Variants in GRID1 observed in about 807,000 individuals in gnomAD.
GRID1 encodes glutamate receptor ionotropic, delta-1.
In GRID1, 28 loss-of-function variants were observed where a neutral mutation model predicts 98.0. That is an observed-to-expected ratio of 0.29 (90% CI 0.21 to 0.39). The LOEUF is 0.39. Among genes scored for constraint, GRID1 ranks in the 10% least tolerant of loss-of-function variants. The pLI is 1.00. For missense variants in GRID1, 1,111 were observed against 1,340.5 expected (o/e 0.83, Z 2.67); for synonymous variants, 553 against 538.5 (o/e 1.03, Z -0.37).
intron 3 of GRID1, among the ~76,000 whole-genome samples, chr10:86,185,557 G>C (rs1159940293): frequency 6.6e-6 from 1 of 152,106 alleles, no homozygotes; most frequent in Non-Finnish European, 1.5e-5. Context: ...GATCTTAAGG[G>C]ACAAGCATAT....
At chr10:85,844,327 G>T (rs1842986574) in intron 8 of GRID1, among the ~76,000 whole-genome samples, 1 of 151,758 alleles carries the variant, frequency 6.6e-6, no homozygotes, top group African/African-American at 2.4e-5. Context: ...GAGAAAATGG[G>T]GAAGGAATCT....
intron 13 of GRID1, among the ~76,000 whole-genome samples, chr10:85,623,987 A>G (rs1842884125): frequency 6.6e-6 from 1 of 152,156 alleles, no homozygotes; most frequent in Non-Finnish European, 1.5e-5. Context: ...TCCCTTGACC[A>G]AGTGTCACAA....
At chr10:86,350,470 CG>C (rs1848448034) in intron 2 of GRID1, among the ~76,000 whole-genome samples, 1 of 152,110 alleles carries the variant, frequency 6.6e-6, no homozygotes, top group African/African-American at 2.4e-5. Flanking sequence ...AAGCCAGGTG[CG>C]TAGTGGGAGG....
chr10:85,817,082 T>C (rs1842722709), intron 8 of GRID1, among the ~76,000 whole-genome samples: 1 of 152,224 alleles, frequency 6.6e-6, no homozygotes, highest in African/African-American at 2.4e-5. Flanking sequence ...ATGTACCACA[T>C]TTACTTTATC....
chr10:86,018,587 G>C (rs1046554486), intron 4 of GRID1, among the ~76,000 whole-genome samples: 1 of 152,222 alleles, frequency 6.6e-6, no homozygotes, highest in African/African-American at 2.4e-5. Context: ...ACATGCACGT[G>C]ACTGCAGGTG....
chr10:85,659,146 G>C (rs999414784), intron 12 of GRID1, among the ~76,000 whole-genome samples: 1 of 152,246 alleles, frequency 6.6e-6, no homozygotes, highest in Non-Finnish European at 1.5e-5. Flanking sequence ...ATGCAGAGCT[G>C]AGAAGCAGCT....
intron 12 of GRID1, among the ~76,000 whole-genome samples, chr10:85,712,268 C>T (rs1841590353): frequency 6.6e-6 from 1 of 151,688 alleles, no homozygotes; most frequent in African/African-American, 2.4e-5. Context: ...ACAGGTGCCT[C>T]ACTGTGGATT....
intron 4 of GRID1, among the ~76,000 whole-genome samples, chr10:86,134,990 GC>G (rs1305780088): frequency 1.3e-5 from 2 of 152,226 alleles, no homozygotes; most frequent in Non-Finnish European, 2.9e-5. Flanking sequence ...CTTGGCACAG[GC>G]TGGGGCTCAG....
At chr10:85,868,893 C>T in intron 6 of GRID1, 117 bp downstream of exon 6, 1 of 802,192 alleles carries the variant, frequency 1.2e-6, no homozygotes, top group Non-Finnish European at 2.1e-6. Context: ...CAACAAATGA[C>T]AGAGCTCTAG....
intron 2 of GRID1, among the ~76,000 whole-genome samples, chr10:86,209,736 A>G (rs573742702): frequency 1.2e-4 from 18 of 152,224 alleles, no homozygotes; most frequent in South Asian, 2.1e-4. Flanking sequence ...CCAATGCTCA[A>G]TTGTGGAATT....
At chr10:85,771,213 A>T (rs1035971411) in intron 8 of GRID1, among the ~76,000 whole-genome samples, 1 of 152,222 alleles carries the variant, frequency 6.6e-6, no homozygotes, top group African/African-American at 2.4e-5. Context: ...TTTCATATCC[A>T]GCCAAACTAA....
chr10:85,683,284 G>A (rs1024714090), intron 12 of GRID1, among the ~76,000 whole-genome samples: 6 of 152,228 alleles, frequency 3.9e-5, no homozygotes, highest in African/African-American at 1.2e-4. Context: ...TTTGAGGAAT[G>A]TGTGAGTGTC....
At position 85,613,585 on chromosome 10, in the gene GRID1, A is replaced by C. The variant is rs1590159367; in HGVS notation, c.2423T>G (p.Met808Arg). Residue 808 changes from methionine (M) to arginine (R), a missense_variant, in exon 15 of 16, where the codon ATG (methionine) becomes AGG (arginine). Met to Arg is a moderately conservative substitution (Grantham distance 91). Transcript: ENST00000327946. ...DVLKQKWWPH[M>R]GRCDLTSHAS... ...ATGGCTGGTGAGGTCACAGCGGCCC[A>C]TGTGCGGCCACCACTTCTGCTTCAG... The C allele has an allele frequency of 6.2e-7, 1 of 1,614,124 alleles. No individual in the cohort carries two copies. The highest frequency in any genetic ancestry group is 8.5e-7 in the Non-Finnish European group (1 of 1,180,018).
intron 8 of GRID1, among the ~76,000 whole-genome samples, chr10:85,797,795 G>A (rs891311708): frequency 6.6e-6 from 1 of 152,000 alleles, no homozygotes; most frequent in Admixed American, 6.5e-5. Flanking sequence ...TGTGCTCAAT[G>A]TTTAGCTCCC....
intron 4 of GRID1, among the ~76,000 whole-genome samples, chr10:85,963,250 G>A: frequency 6.6e-6 from 1 of 151,878 alleles, no homozygotes; most frequent in East Asian, 1.9e-4. Flanking sequence ...TATGAAATTG[G>A]GTTTCGGGTC....
chr10:86,283,497 A>G (rs1002439030), intron 2 of GRID1, among the ~76,000 whole-genome samples: 4 of 152,082 alleles, frequency 2.6e-5, no homozygotes, highest in Non-Finnish European at 4.4e-5. Flanking sequence ...ACTTGGTTGG[A>G]AAGAGCTGTG....
At chr10:85,981,151 C>G (rs1842539883) in intron 4 of GRID1, among the ~76,000 whole-genome samples, 1 of 152,158 alleles carries the variant, frequency 6.6e-6, no homozygotes, top group African/African-American at 2.4e-5. Flanking sequence ...CCAACAGGCT[C>G]CAGGCTCTGA....
At chr10:86,035,590 G>C (rs1017195564) in intron 4 of GRID1, among the ~76,000 whole-genome samples, 4 of 152,062 alleles carry the variant, frequency 2.6e-5, no homozygotes, top group Admixed American at 6.5e-5. Context: ...GTCTATGAAG[G>C]GTTCCCAGAG....
chr10:85,628,297 G>A (rs1353249934), intron 13 of GRID1, among the ~76,000 whole-genome samples: 2 of 151,822 alleles, frequency 1.3e-5, no homozygotes, highest in Admixed American at 6.6e-5. Context: ...TGAGAATTAT[G>A]TGAGTGTGTA....
Sources: gnomAD v4.1 joint callset for allele counts (sites outside exome capture counted in the v4.1 genomes callset) on GRCh38, gnomAD v4.1.1 for gene constraint, MANE v1.5 for transcripts, NCBI Gene and HGNC (gene_info 2026-07-23, HGNC 2026-07-21) for gene names.